The following AKR1D1 variants were observed in gnomAD, a reference collection of about 807,000 sequenced individuals.
AKR1D1 encodes the protein aldo-keto reductase family 1 member D1.
In AKR1D1, 32 loss-of-function variants were observed where a neutral mutation model predicts 42.6. The observed-to-expected ratio is 0.75, with a 90% CI of 0.57 to 1.01. The LOEUF is 1.01. Ranked by LOEUF, AKR1D1 falls within the 50% of genes least tolerant of loss-of-function variation. AKR1D1 has a pLI of 0.00. For synonymous variants in AKR1D1, 123 were observed against 135.5 expected (o/e 0.91, Z 0.64); for missense variants, 364 against 402.2 (o/e 0.91, Z 0.81).
intron 1 of AKR1D1, among the ~76,000 whole-genome samples, chr7:138,088,128 C>T (rs1018146418): frequency 1.3e-5 from 2 of 152,106 alleles, no homozygotes; most frequent in Non-Finnish European, 2.9e-5. Flanking sequence ...TGGCCTCAAG[C>T]AATCCTCCTG....
intron 4 of AKR1D1, among the ~76,000 whole-genome samples, chr7:138,103,336 C>T (rs567799823): frequency 6.6e-6 from 1 of 152,080 alleles, no homozygotes; most frequent in South Asian, 2.1e-4. Flanking sequence ...ACCCATAATA[C>T]GCTACAATTA....
intron 6 of AKR1D1, among the ~76,000 whole-genome samples, chr7:138,106,924 T>C (rs1436922406): frequency 2.6e-5 from 4 of 152,238 alleles, no homozygotes; most frequent in African/African-American, 9.6e-5. Flanking sequence ...TATCAGTGCC[T>C]GATATATAGG....
Position 138,088,707 on chromosome 7 carries a change from C to A in AKR1D1, c.200C>A (p.Ala67Asp), listed in dbSNP as rs747732116. The A allele has an allele frequency of 3.7e-6, 6 of 1,613,444 alleles. No individual in the cohort carries two copies. Among genetic ancestry groups the A allele is most frequent in the Non-Finnish European group, 5.1e-6 (6 of 1,179,802 alleles). The change falls in exon 2 of 9, where the codon GCC (alanine) becomes GAC (aspartate). Residue 67 changes from alanine to aspartate, a missense_variant. Physicochemically the swap from Ala to Asp is moderately radical, Grantham distance 126 (BLOSUM62 -2). Coordinates refer to ENST00000242375, the MANE Select transcript of AKR1D1 (RefSeq NM_005989.4). Reference sequence around the variant, plus strand: ...CAAAATGAACACGAAGTTGGGGAGGCCATCAGGGAGAAGATAGCAGAAGGA... The same window carrying A: ...CAAAATGAACACGAAGTTGGGGAGGACATCAGGGAGAAGATAGCAGAAGGA... ...IYQNEHEVGEAIREKIAEGKV... is the reference protein window; with the variant it reads ...IYQNEHEVGEDIREKIAEGKV...
At chr7:138,094,516 G>C in intron 3 of AKR1D1, among the ~76,000 whole-genome samples, 1 of 149,004 alleles carries the variant, frequency 6.7e-6, no homozygotes, top group Non-Finnish European at 1.5e-5. Context: ...CCCTGTCTTG[G>C]AAAAAAAAAG....
At position 138,118,171 on chromosome 7, in the gene AKR1D1, T is replaced by C. The variant is rs1009938600; in HGVS notation, c.*1509T>C. Reference sequence around the variant, plus strand: ...TCAATGACCTCAAGACATATATTTTTGAGAAATTATCATTTTAAAAAATTT... The same window carrying C: ...TCAATGACCTCAAGACATATATTTTCGAGAAATTATCATTTTAAAAAATTT... On this transcript the variant is annotated 3_prime_UTR_variant, in exon 9 of 9. Coordinates refer to ENST00000242375, the MANE Select transcript of AKR1D1 (RefSeq NM_005989.4). Among the ~76,000 whole-genome samples the C allele has an allele frequency of 9.2e-5, 14 of 152,258 alleles. No individual in the cohort carries two copies. Among genetic ancestry groups the C allele is most frequent in the Non-Finnish European group, 2.1e-4 (14 of 68,050 alleles).
chr7:138,095,585 G>A (rs1353084905), intron 3 of AKR1D1, among the ~76,000 whole-genome samples: 1 of 152,174 alleles, frequency 6.6e-6, no homozygotes, highest in African/African-American at 2.4e-5. Flanking sequence ...GAGTGCAGTG[G>A]CATGATCTCG....
In AKR1D1 at chr7:138,083,381, C is replaced by T. The variant is rs1023325353; in HGVS notation, c.94-5220C>T. Among the ~76,000 whole-genome samples, 3 of 152,174 alleles carry T rather than the reference C, an allele frequency of 2.0e-5. No individual in the cohort carries two copies. The East Asian group carries it at 5.8e-4, about 29-fold the overall frequency. On this transcript the variant is annotated intron_variant, in intron 1 of 8. Coordinates refer to ENST00000242375, the MANE Select transcript of AKR1D1 (RefSeq NM_005989.4). ...TCAAGTCCTTTGTCAACTTTTTAAT[C>T]AGGTTAGGTTTTTCTTTGGGGTTTT...
At chr7:138,106,369 T>G (rs1188302598) in intron 5 of AKR1D1, among the ~76,000 whole-genome samples, 1 of 152,166 alleles carries the variant, frequency 6.6e-6, no homozygotes, top group African/African-American at 2.4e-5. Flanking sequence ...AGGGGATGAT[T>G]AAATAAGTTA....
In AKR1D1 at chr7:138,076,493, T is replaced by G. The variant is rs374681767; in HGVS notation, c.-26T>G. 6.1e-5 allele frequency: 98 copies of G among 1,594,434 alleles called. No homozygotes were observed. Among genetic ancestry groups the G allele is most frequent in the Admixed American group, 8.4e-5 (5 of 59,846 alleles). Reference sequence around the variant, plus strand: ...AAAAGACTCCCTGTGGTGTTCAGAATCACTCCTACAGTCAGGTTCTCCACA... The same window carrying G: ...AAAAGACTCCCTGTGGTGTTCAGAAGCACTCCTACAGTCAGGTTCTCCACA... On this transcript the variant is annotated 5_prime_UTR_variant, in exon 1 of 9. Coordinates refer to ENST00000242375, the MANE Select transcript of AKR1D1 (RefSeq NM_005989.4).
intron 3 of AKR1D1, among the ~76,000 whole-genome samples, chr7:138,094,426 G>C (rs1054508828): frequency 6.6e-6 from 1 of 152,120 alleles, no homozygotes; most frequent in Non-Finnish European, 1.5e-5. Context: ...AAGGTGGGAG[G>C]ATCACTTGAG....
At chr7:138,101,716 A>G (rs1275820079) in intron 4 of AKR1D1, among the ~76,000 whole-genome samples, 1 of 152,252 alleles carries the variant, frequency 6.6e-6, no homozygotes, top group Non-Finnish European at 1.5e-5. Context: ...ATTTAAAGAT[A>G]AATCTAAAAG....
At chr7:138,085,054 C>CAAAAAA (rs58253168) in intron 1 of AKR1D1, among the ~76,000 whole-genome samples, 14 of 70,802 alleles carry the variant, frequency 2.0e-4, no homozygotes, top group South Asian at 7.7e-4. Context: ...GACTCCGTCT[C>CAAAAAA]AAAAAAAAAA....
chr7:138,104,032 A>G (rs2117457142), intron 4 of AKR1D1, among the ~76,000 whole-genome samples: 1 of 152,274 alleles, frequency 6.6e-6, no homozygotes, highest in Admixed American at 6.5e-5. Flanking sequence ...CCAGCTACTC[A>G]AGAGGCTAAA....
Position 138,084,981 on chromosome 7 carries a change from G to A in AKR1D1, c.94-3620G>A, listed in dbSNP as rs577308871. On this transcript the variant is annotated intron_variant, in intron 1 of 8. Coordinates refer to ENST00000242375, the MANE Select transcript of AKR1D1 (RefSeq NM_005989.4). ...TGAGGTAGGAGAATCGCTTGAACCC[G>A]GGAGGCAGAGGTAGCAGTGAGCTGA... Among the ~76,000 whole-genome samples the A allele has an allele frequency of 1.2e-4, 17 of 147,746 alleles. No homozygotes were observed. The South Asian group carries it at 2.6e-3, about 22-fold the overall frequency.
chr7:138,113,180 G>A (rs1019066698), intron 7 of AKR1D1, among the ~76,000 whole-genome samples: 2 of 152,004 alleles, frequency 1.3e-5, no homozygotes, highest in African/African-American at 4.8e-5. Context: ...GCCAGGCATG[G>A]CAAAACATGT....
At position 138,113,546 on chromosome 7, in the gene AKR1D1, G is replaced by A. The variant is rs1336239958; in HGVS notation, c.856-144G>A. ...GAACAGAGTATCCAGCTCCACCTCA[G>A]TGGGTAGCCCCCCAACACCAGCCTG... On this transcript the variant is annotated intron_variant, in intron 7 of 8. Transcript: ENST00000242375. 7.0e-6 allele frequency: 5 copies of A among 713,428 alleles called. No individual in the cohort carries two copies. The East Asian group carries it at 1.1e-4, about 16-fold the overall frequency. 44.2% of individuals were successfully genotyped at this position (713,428 alleles called of 1,614,324 possible). A position where few individuals can be genotyped will look rare whatever the true frequency, so the allele number is the denominator to read the frequency against.
chr7:138,116,807 G>A lies in AKR1D1; in HGVS notation c.*145G>A. Reference sequence around the variant, plus strand: ...TGGAAACATGTTTAATGTTTGTGCAGTGTAAATGACTTTGACTCAGTCACA... The same window carrying A: ...TGGAAACATGTTTAATGTTTGTGCAATGTAAATGACTTTGACTCAGTCACA... On this transcript the variant is annotated 3_prime_UTR_variant, in exon 9 of 9. Transcript: ENST00000242375. 4 of 716,944 alleles carry A rather than the reference G, an allele frequency of 5.6e-6. No homozygotes were observed. In the South Asian group the frequency reaches 5.9e-5, roughly 11 times the overall value. The allele number at this position is 716,944 out of a possible 1,614,324, so 44.4% of individuals were successfully genotyped here.
At chr7:138,094,499 A>G (rs1439839148) in intron 3 of AKR1D1, among the ~76,000 whole-genome samples, 1 of 151,700 alleles carries the variant, frequency 6.6e-6, no homozygotes, top group Non-Finnish European at 1.5e-5. Flanking sequence ...TGGGTGACAG[A>G]GCAAGACCCT....
chr7:138,108,975 G>A (rs989216745), intron 7 of AKR1D1, among the ~76,000 whole-genome samples: 2 of 152,180 alleles, frequency 1.3e-5, no homozygotes, highest in Non-Finnish European at 2.9e-5. Flanking sequence ...CATTGACTCA[G>A]CAGTCTTACC....
Sources: gnomAD v4.1 joint callset for allele counts (sites outside exome capture counted in the v4.1 genomes callset) on GRCh38, gnomAD v4.1.1 for gene constraint, MANE v1.5 for transcripts, NCBI Gene and HGNC (gene_info 2026-07-23, HGNC 2026-07-21) for gene names.